The following UNC79 variants were observed in gnomAD, a reference collection of about 807,000 sequenced individuals.
UNC79 encodes the protein unc-79 subunit of NALCN channel complex, also known as protein unc-79 homolog.
A neutral mutation model predicts 283.1 loss-of-function variants in UNC79; 37 were observed. The observed-to-expected ratio is 0.13, with a 90% CI of 0.10 to 0.17. The LOEUF (loss-of-function observed/expected upper bound fraction) is 0.17, where lower values mean the gene tolerates loss of function less well. Ranked by LOEUF, UNC79 falls within the 10% of genes least tolerant of loss-of-function variation. The pLI is 1.00. For missense variants in UNC79, 2,272 were observed against 3,211.1 expected (o/e 0.71, Z 7.07); for synonymous variants, 1,107 against 1,200.2 (o/e 0.92, Z 1.61).
intron 14 of UNC79, among the ~76,000 whole-genome samples, chr14:93,562,484 C>G (rs2062622257): frequency 1.3e-5 from 2 of 152,130 alleles, no homozygotes; most frequent in Non-Finnish European, 2.9e-5. Context: ...AGGACAGGCT[C>G]TAATTCTGAG....
At chr14:93,418,533 A>G (rs2055515768) in intron 1 of UNC79, among the ~76,000 whole-genome samples, 1 of 151,544 alleles carries the variant, frequency 6.6e-6, no homozygotes, top group Admixed American at 6.6e-5. Context: ...TGCTGGGAGA[A>G]CCACTGCTCT....
rs182434561 is a variant in UNC79, at chr14:93,578,523, A to T, written c.2433+460A>T. Among the ~76,000 whole-genome samples, 15 of 152,312 alleles carry T rather than the reference A, an allele frequency of 9.8e-5. No homozygotes were observed. The East Asian group carries it at 2.7e-3, about 27-fold the overall frequency. On this transcript the variant is annotated intron_variant, in intron 18 of 48. Coordinates refer to ENST00000555664, the Ensembl canonical transcript of UNC79. ...TCAGATTTGCAGAAAAGTTACAAGA[A>T]TACTATAAAGAATTCCCAAATACTC... is the stretch of plus-strand genomic sequence containing the variant.
chr14:93,433,645 T>G (rs1300410315), intron 1 of UNC79, among the ~76,000 whole-genome samples: 1 of 152,162 alleles, frequency 6.6e-6, no homozygotes, highest in Non-Finnish European at 1.5e-5. Context: ...ATTACCACTT[T>G]CCTAAGGACT....
intron 27 of UNC79, among the ~76,000 whole-genome samples, chr14:93,614,899 G>A (rs980508143): frequency 2.0e-5 from 3 of 152,116 alleles, no homozygotes; most frequent in African/African-American, 7.2e-5. Flanking sequence ...CACCGTATCA[G>A]CCAATGTGAG....
At chr14:93,587,567 T>C (rs1313202160) in intron 22 of UNC79, among the ~76,000 whole-genome samples, 2 of 152,224 alleles carry the variant, frequency 1.3e-5, no homozygotes, top group African/African-American at 4.8e-5. Context: ...TTATTATTCA[T>C]TCAACAAATA....
At chr14:93,633,079 G>A (rs1162202361) in intron 31 of UNC79, among the ~76,000 whole-genome samples, 2 of 152,096 alleles carry the variant, frequency 1.3e-5, no homozygotes, top group Non-Finnish European at 2.9e-5. Context: ...ATTTGATTGA[G>A]TCTTCTAGAT....
At chr14:93,619,008 T>A (rs1337688361) in intron 29 of UNC79, among the ~76,000 whole-genome samples, 2 of 152,222 alleles carry the variant, frequency 1.3e-5, no homozygotes, top group East Asian at 3.8e-4. Flanking sequence ...CACGGCTGAC[T>A]AGATTTTAAA....
chr14:93,589,915 G>A (rs531930990), intron 22 of UNC79, among the ~76,000 whole-genome samples: 5 of 152,274 alleles, frequency 3.3e-5, no homozygotes, highest in African/African-American at 1.2e-4. Context: ...CAAAATATTA[G>A]CCAAGTATGG....
At chr14:93,705,606 G>A (rs538193377) in intron 48 of UNC79, among the ~76,000 whole-genome samples, 15 of 152,330 alleles carry the variant, frequency 9.8e-5, no homozygotes, top group South Asian at 4.1e-4. Flanking sequence ...AGGAGATCCC[G>A]CCTGAATATG....
intron 10 of UNC79, among the ~76,000 whole-genome samples, chr14:93,529,725 C>A (rs1394498115): frequency 3.9e-5 from 6 of 152,136 alleles, no homozygotes; most frequent in Non-Finnish European, 7.3e-5. Context: ...CTTTCCCCTG[C>A]TACTATTACT....
chr14:93,609,069 CT>C (rs1188453702), intron 26 of UNC79, among the ~76,000 whole-genome samples: 3 of 152,166 alleles, frequency 2.0e-5, no homozygotes, highest in East Asian at 1.9e-4. Context: ...TTCCTCCATT[CT>C]TTTTTTCTCT....
chr14:93,513,713 C>T (rs2059933577), intron 7 of UNC79, among the ~76,000 whole-genome samples: 1 of 152,088 alleles, frequency 6.6e-6, no homozygotes, highest in East Asian at 1.9e-4. Flanking sequence ...TTGAAATATA[C>T]AATACATTGT....
chr14:93,592,911 A>G (rs2064802051), intron 22 of UNC79, among the ~76,000 whole-genome samples: 1 of 152,108 alleles, frequency 6.6e-6, no homozygotes, highest in African/African-American at 2.4e-5. Context: ...CTCATAGCCC[A>G]ACTGTGGCTT....
Position 93,694,400 on chromosome 14 carries a change from C to T in UNC79, c.7536C>T (p.Thr2512=), listed in dbSNP as rs749432141. 5 of 1,609,252 alleles carry T rather than the reference C, an allele frequency of 3.1e-6. No individual in the cohort carries two copies. In the African/African-American group the frequency reaches 6.7e-5, roughly 21 times the overall value. Residue 2512 remains threonine (T), a synonymous_variant, in exon 47 of 49, where the codon ACC becomes ACT. Coordinates refer to ENST00000555664, the Ensembl canonical transcript of UNC79. Reference sequence around the variant, plus strand: ...AGGCATTGCAGGAATGCAATTCGACCATTTTTGTCAAGGTAGGAAAACCTT... The same window carrying T: ...AGGCATTGCAGGAATGCAATTCGACTATTTTTGTCAAGGTAGGAAAACCTT...
rs746710797 is a variant in UNC79, at chr14:93,477,668, C to T, written c.559C>T (p.Pro187Ser). ...GATATCAACGTTGGCTACCTTTCCT[C>T]CATTTCTGCACAAGGATATCATTGA... Residue 187 changes from proline to serine, a missense_variant, in exon 4 of 49, where the codon CCA becomes TCA. By Grantham distance (74) the Pro-to-Ser change is moderately conservative. Transcript: ENST00000555664. The T allele has an allele frequency of 4.3e-6, 7 of 1,613,502 alleles. No homozygotes were observed. In the South Asian group the frequency reaches 7.7e-5, roughly 18 times the overall value.
In UNC79 at chr14:93,593,663, T is replaced by C. The variant is rs1403618822; in HGVS notation, c.3033-17T>C. On this transcript the variant is annotated splice_polypyrimidine_tract_variant and intron_variant, in intron 22 of 48. Transcript: ENST00000555664. ...TTGTGATAACTGTCACCACTTTGCT[T>C]CTCCTTGATTCCCTAGCCTGTGGAG... is the stretch of plus-strand genomic sequence containing the variant. The C allele has an allele frequency of 2.5e-6, 4 of 1,595,838 alleles. No individual in the cohort carries two copies. The highest frequency in any genetic ancestry group is 3.4e-6 in the Non-Finnish European group (4 of 1,173,834).
rs2061326650 is a variant in UNC79 at position 93,540,532 on chromosome 14, A to G, written c.1353-128A>G. Reference sequence around the variant, plus strand: ...GCACAGTACTCAGTAACTCAGTAACACAGTACTCAATTTAAAGAAGAGCAA... The same window carrying G: ...GCACAGTACTCAGTAACTCAGTAACGCAGTACTCAATTTAAAGAAGAGCAA... On this transcript the variant is annotated intron_variant, in intron 12 of 48. Transcript: ENST00000555664. The G allele has an allele frequency of 4.1e-6, 4 of 982,784 alleles. No individual in the cohort carries two copies. The East Asian group carries it at 1.0e-4, about 25-fold the overall frequency. The allele number at this position is 982,784 out of a possible 1,614,324, so 60.9% of individuals were successfully genotyped here.
At chr14:93,549,648 T>C (rs1386373856) in intron 14 of UNC79, among the ~76,000 whole-genome samples, 3 of 152,118 alleles carry the variant, frequency 2.0e-5, no homozygotes, top group African/African-American at 4.8e-5. Context: ...TGAACCAGAA[T>C]AGATTCAGAA....
chr14:93,348,193 A>G, intron 1 of UNC79: 1 of 880,030 alleles, frequency 1.1e-6, no homozygotes, highest in South Asian at 1.4e-5. Flanking sequence ...GTTAACGAGC[A>G]AAATTGCCTA....
Sources: gnomAD v4.1 joint callset for allele counts (sites outside exome capture counted in the v4.1 genomes callset) on GRCh38, gnomAD v4.1.1 for gene constraint, MANE v1.5 for transcripts, NCBI Gene and HGNC (gene_info 2026-07-23, HGNC 2026-07-21) for gene names.